The following NTM variants were observed in gnomAD, a reference collection of about 807,000 sequenced individuals.
The protein encoded by NTM is neurotrimin.
NTM carries 13 observed loss-of-function variants against 42.1 expected under a neutral mutation model. The ratio of observed to expected loss-of-function variants is 0.31; its 90% CI spans 0.20 to 0.49. The LOEUF is 0.49. Ranked by LOEUF, NTM falls within the 20% of genes least tolerant of loss-of-function variation. The pLI, the probability that NTM is intolerant of heterozygous loss-of-function variation, is 0.99. For synonymous variants in NTM, 187 were observed against 179.2 expected (o/e 1.04, Z -0.35); for missense variants, 373 against 452.8 (o/e 0.82, Z 1.60).
chr11:131,687,199 A>C (rs929488827), intron 1 of NTM, among the ~76,000 whole-genome samples: 1 of 152,174 alleles, frequency 6.6e-6, no homozygotes, highest in African/African-American at 2.4e-5. Context: ...CCCATGTTCC[A>C]GGGGAGAAGG....
chr11:131,463,789 C>T (rs753891200), intron 1 of NTM, among the ~76,000 whole-genome samples: 2 of 152,172 alleles, frequency 1.3e-5, no homozygotes, highest in African/African-American at 2.4e-5. Context: ...AGACTCAGCC[C>T]GAAGCCGCAG....
At chr11:131,572,708 T>C (rs2057562252) in intron 1 of NTM, among the ~76,000 whole-genome samples, 1 of 152,148 alleles carries the variant, frequency 6.6e-6, no homozygotes, top group African/African-American at 2.4e-5. Flanking sequence ...AAAGCCCACG[T>C]CACCCTAGAA....
At chr11:131,706,171 G>C (rs2076569848) in intron 1 of NTM, among the ~76,000 whole-genome samples, 1 of 151,800 alleles carries the variant, frequency 6.6e-6, no homozygotes, top group Admixed American at 6.6e-5. Flanking sequence ...AGCCAAACAA[G>C]AATAGGAGTG....
chr11:131,996,279 G>C (rs1045015506), intron 2 of NTM, among the ~76,000 whole-genome samples: 2 of 152,026 alleles, frequency 1.3e-5, no homozygotes, highest in Non-Finnish European at 2.9e-5. Flanking sequence ...CAGTCACCCT[G>C]CTGTTCCCCT....
At chr11:131,514,095 CA>C (rs2048594333) in intron 1 of NTM, among the ~76,000 whole-genome samples, 2 of 152,168 alleles carry the variant, frequency 1.3e-5, no homozygotes, top group African/African-American at 4.8e-5. Context: ...GCTAATGTCC[CA>C]GGGGAGAAAG....
chr11:131,668,444 G>A (rs975005338), intron 1 of NTM, among the ~76,000 whole-genome samples: 5 of 152,118 alleles, frequency 3.3e-5, no homozygotes, highest in Non-Finnish European at 5.9e-5. Flanking sequence ...GTTGGGCTGT[G>A]GCCCCTCACC....
Position 131,959,163 on chromosome 11 carries a change from C to T in NTM, c.167+47515C>T, listed in dbSNP as rs185277550. On this transcript the variant is annotated intron_variant, in intron 2 of 8. Transcript: ENST00000683400. ...GTGGTTTGCACCACAACCAAGTAAC[C>T]CCTCATTTAGCAAACTCAAATCTTT... is the stretch of plus-strand genomic sequence containing the variant. 7.9e-5 allele frequency among the ~76,000 whole-genome samples: 12 copies of T among 152,240 alleles called. No individual in the cohort carries two copies. In the East Asian group the frequency reaches 2.1e-3, roughly 27 times the overall value.
At chr11:131,608,260 C>A (rs181519531) in intron 1 of NTM, among the ~76,000 whole-genome samples, 5 of 152,056 alleles carry the variant, frequency 3.3e-5, no homozygotes, top group South Asian at 4.1e-4. Context: ...TATTCCATGG[C>A]GTATATGTGC....
intron 2 of NTM, among the ~76,000 whole-genome samples, chr11:132,037,487 C>A (rs2076653764): frequency 1.3e-5 from 2 of 152,144 alleles, no homozygotes; most frequent in Admixed American, 1.3e-4. Flanking sequence ...CAGACAATTG[C>A]TGAAGTCCTC....
chr11:132,291,664 C>G (rs1316200012), intron 4 of NTM, among the ~76,000 whole-genome samples: 3 of 151,982 alleles, frequency 2.0e-5, no homozygotes, highest in African/African-American at 7.3e-5. Flanking sequence ...TGAGGAGAAG[C>G]CAGGAAAGGA....
chr11:131,487,001 A>G (rs1336224944), intron 1 of NTM, among the ~76,000 whole-genome samples: 1 of 152,170 alleles, frequency 6.6e-6, no homozygotes, highest in African/African-American at 2.4e-5. Context: ...TAATGCCACC[A>G]GTTCTTCATT....
At chr11:132,314,399 T>A (rs1016390977) in intron 6 of NTM, 153 bp from the exon 7 acceptor site, 1 of 369,320 alleles carries the variant, frequency 2.7e-6, no homozygotes, top group African/African-American at 2.2e-5. Flanking sequence ...GAACTACTAC[T>A]ACATTATGGT....
At chr11:131,810,218 C>T (rs2092681162) in intron 1 of NTM, among the ~76,000 whole-genome samples, 1 of 152,178 alleles carries the variant, frequency 6.6e-6, no homozygotes, top group South Asian at 2.1e-4. Flanking sequence ...CCACCTCCTC[C>T]TCCCACGTCA....
At chr11:131,685,787 C>T (rs149930778) in intron 1 of NTM, among the ~76,000 whole-genome samples, 1,987 of 152,314 alleles carry the variant, frequency 0.013, 29 homozygotes, top group Non-Finnish European at 0.02. Flanking sequence ...AAGTTCCACA[C>T]GAGCAGGGAC....
At chr11:132,033,115 C>T (rs898502507) in intron 2 of NTM, among the ~76,000 whole-genome samples, 2 of 152,134 alleles carry the variant, frequency 1.3e-5, no homozygotes, top group African/African-American at 2.4e-5. Flanking sequence ...AAAGCTTTTT[C>T]TTTGTGCCCA....
chr11:132,307,585 C>G, intron 4 of NTM, 104 bp from the exon 5 acceptor site: 1 of 1,499,074 alleles, frequency 6.7e-7, no homozygotes, highest in Non-Finnish European at 9.0e-7. Flanking sequence ...TTACAACTGG[C>G]AAATTATCTG....
intron 1 of NTM, among the ~76,000 whole-genome samples, chr11:131,426,557 C>T (rs1410213361): frequency 6.6e-6 from 1 of 152,144 alleles, no homozygotes; most frequent in East Asian, 1.9e-4. Context: ...TCTTTGGGGA[C>T]TTGGAAAAAA....
At chr11:131,433,547 G>T (rs1948863123) in intron 1 of NTM, among the ~76,000 whole-genome samples, 1 of 152,102 alleles carries the variant, frequency 6.6e-6, no homozygotes. Flanking sequence ...TACTTCCTGA[G>T]GAAAGGGTAA....
chr11:132,226,657 G>T (rs1042469972), intron 4 of NTM, among the ~76,000 whole-genome samples: 2 of 152,120 alleles, frequency 1.3e-5, no homozygotes, highest in Non-Finnish European at 2.9e-5. Flanking sequence ...GGGAGGGGGC[G>T]TAAAGATAGC....
Sources: gnomAD v4.1 joint callset for allele counts (sites outside exome capture counted in the v4.1 genomes callset) on GRCh38, gnomAD v4.1.1 for gene constraint, MANE v1.5 for transcripts, NCBI Gene and HGNC (gene_info 2026-07-23, HGNC 2026-07-21) for gene names.